The following UNC13C variants were observed in gnomAD, a reference collection of about 807,000 sequenced individuals.
UNC13C encodes unc-13 homolog C.
In UNC13C, 174 loss-of-function variants were observed where a neutral mutation model predicts 245.4. The observed-to-expected ratio is 0.71, with a 90% CI of 0.63 to 0.80. The LOEUF is 0.80. Ranked by LOEUF, UNC13C falls within the 30% of genes least tolerant of loss-of-function variation. The probability of loss-of-function intolerance (pLI) is 0.00; values close to 1 mark genes in which losing one functional copy is unlikely to be tolerated. For synonymous variants in UNC13C, 992 were observed against 895.1 expected (o/e 1.11, Z -1.93); for missense variants, 2,829 against 2,602.9 (o/e 1.09, Z -1.89).
chr15:54,517,527 A>G (rs1041159787), intron 24 of UNC13C, among the ~76,000 whole-genome samples: 2 of 152,152 alleles, frequency 1.3e-5, no homozygotes, highest in African/African-American at 4.8e-5. Flanking sequence ...CACTTACTGA[A>G]GGATATTCAG....
At chr15:54,077,141 T>A (rs1898670175) in intron 2 of UNC13C, among the ~76,000 whole-genome samples, 1 of 152,054 alleles carries the variant, frequency 6.6e-6, no homozygotes. Flanking sequence ...CCTGTATTTA[T>A]GGGTCTCAAA....
chr15:54,239,963 A>G (rs1220047436), intron 7 of UNC13C, among the ~76,000 whole-genome samples: 1 of 152,220 alleles, frequency 6.6e-6, no homozygotes, highest in African/African-American at 2.4e-5. Flanking sequence ...GTTTTAAAAC[A>G]TGGTATTTGA....
the UNC13C span, among the ~76,000 whole-genome samples, chr15:53,885,779 C>T: frequency 6.6e-6 from 1 of 152,174 alleles, no homozygotes; most frequent in Admixed American, 6.5e-5. Flanking sequence ...GAAACAACCT[C>T]ACTGAAGGGA....
rs745380439 is a variant in UNC13C, at chr15:54,015,688, A to G, written c.2785A>G (p.Met929Val). Residue 929 changes from methionine (M) to valine (V), a missense_variant, in exon 2 of 33, where the codon ATG becomes GTG. By Grantham distance (21) the Met-to-Val change is conservative. Coordinates refer to ENST00000260323, the MANE Select transcript of UNC13C (RefSeq NM_001080534.3). ...GGGTTATGATGGTCCAGCAGATGAT[A>G]TGGTTAGTGAAGAGGGGTTAGAACC... ...DEGYDGPADDMVSEEGLEPLN... is the reference protein window; with the variant it reads ...DEGYDGPADDVVSEEGLEPLN... 25 of 1,613,626 alleles carry G rather than the reference A, an allele frequency of 1.5e-5. No homozygotes were observed. The African/African-American group carries it at 2.0e-4, about 13-fold the overall frequency.
At chr15:54,393,715 T>A (rs913304693) in intron 18 of UNC13C, among the ~76,000 whole-genome samples, 21 of 152,018 alleles carry the variant, frequency 1.4e-4, no homozygotes, top group Middle Eastern at 3.4e-3. Context: ...TTCATGACTA[T>A]TCTAGAAGAG....
chr15:54,204,306 G>GAAAAAAAAAA (rs71132787), intron 4 of UNC13C, among the ~76,000 whole-genome samples: 5 of 124,866 alleles, frequency 4.0e-5, no homozygotes, highest in Admixed American at 8.5e-5. Flanking sequence ...ATTAAAAATT[G>GAAAAAAAAAA]AAAAAAAAAA....
chr15:54,438,807 A>T (rs79795768), intron 19 of UNC13C, among the ~76,000 whole-genome samples: 4,445 of 151,982 alleles, frequency 0.029, 177 homozygotes, highest in Admixed American at 0.12. Context: ...ATTGTACTTG[A>T]CAGCTTCACT....
At chr15:54,418,770 C>T (rs2040574071) in intron 19 of UNC13C, among the ~76,000 whole-genome samples, 1 of 152,232 alleles carries the variant, frequency 6.6e-6, no homozygotes, top group East Asian at 1.9e-4. Flanking sequence ...AGCTAATTAG[C>T]ATCCGCTTTT....
chr15:54,114,038 C>A (rs2030027059), intron 2 of UNC13C, among the ~76,000 whole-genome samples: 1 of 152,152 alleles, frequency 6.6e-6, no homozygotes, highest in South Asian at 2.1e-4. Context: ...GAACATACAG[C>A]TCTGCCTCAC....
At chr15:54,162,752 AT>A (rs2033024493) in intron 4 of UNC13C, among the ~76,000 whole-genome samples, 1 of 152,160 alleles carries the variant, frequency 6.6e-6, no homozygotes, top group Admixed American at 6.5e-5. Flanking sequence ...CATTTAATTC[AT>A]TAATTCTCTA....
chr15:54,017,379 A>C (rs1223322778), intron 2 of UNC13C, among the ~76,000 whole-genome samples: 1 of 151,908 alleles, frequency 6.6e-6, no homozygotes, highest in Non-Finnish European at 1.5e-5. Flanking sequence ...ACTGAAATTC[A>C]TTTGCTATTT....
chr15:54,249,808 A>G (rs1229647858), intron 7 of UNC13C, among the ~76,000 whole-genome samples: 1 of 152,198 alleles, frequency 6.6e-6, no homozygotes, highest in Non-Finnish European at 1.5e-5. Context: ...TTACAGAAGT[A>G]TTCCTTGGGG....
intron 10 of UNC13C, among the ~76,000 whole-genome samples, chr15:54,278,658 A>T (rs990009568): frequency 1.3e-4 from 20 of 152,200 alleles, no homozygotes; most frequent in East Asian, 3.9e-4. Flanking sequence ...TATTTTTTTT[A>T]AATGTAATAT....
chr15:54,437,326 C>A (rs1326993825), intron 19 of UNC13C, among the ~76,000 whole-genome samples: 1 of 151,938 alleles, frequency 6.6e-6, no homozygotes, highest in Non-Finnish European at 1.5e-5. Context: ...TCAATAGCAT[C>A]TAAATATTGT....
rs143748948 is a variant in UNC13C, at chr15:54,205,879, A to T, written c.3072-29151A>T. Among the ~76,000 whole-genome samples, 611 of 152,186 alleles carry T rather than the reference A, an allele frequency of 4.0e-3. 3 individuals are homozygous for T. Among genetic ancestry groups the T allele is most frequent in the African/African-American group, 0.012 (519 of 41,558 alleles). The stretch of plus-strand genomic sequence containing the variant: ...CTGTGAGTTAATAAGGAAGTAATCC[A>T]GTCAGCTGAAATTACAGCTGGGCTT... On this transcript the variant is annotated intron_variant, in intron 4 of 32. Transcript: ENST00000260323.
At chr15:54,479,322 TTATA>T (rs901293114) in intron 19 of UNC13C, among the ~76,000 whole-genome samples, 1 of 152,136 alleles carries the variant, frequency 6.6e-6, no homozygotes, top group African/African-American at 2.4e-5. Flanking sequence ...CCCTTGATTA[TTATA>T]TAATGTTCTT....
chr15:53,960,366 G>C, the UNC13C span, among the ~76,000 whole-genome samples: 2 of 151,258 alleles, frequency 1.3e-5, no homozygotes, highest in Non-Finnish European at 2.9e-5. Context: ...TGGTAGCTTG[G>C]GTTTTATAGG....
At chr15:54,596,507 C>A (rs866956171) in intron 30 of UNC13C, among the ~76,000 whole-genome samples, 1 of 152,140 alleles carries the variant, frequency 6.6e-6, no homozygotes, top group South Asian at 2.1e-4. Context: ...CACACACGTA[C>A]AACAATAACT....
intron 4 of UNC13C, among the ~76,000 whole-genome samples, chr15:54,189,340 T>G (rs2034102455): frequency 6.6e-6 from 1 of 152,188 alleles, no homozygotes; most frequent in Non-Finnish European, 1.5e-5. Flanking sequence ...TTTCTTTTCT[T>G]ATAAAGTGGG....
Sources: allele counts gnomAD v4.1 joint callset (sites outside exome capture counted in the v4.1 genomes callset), GRCh38; gene constraint gnomAD v4.1.1; transcripts MANE v1.5; gene names NCBI Gene and HGNC (gene_info 2026-07-23, HGNC 2026-07-21).